GRIN3A: variants seen among roughly 807,000 people sequenced by gnomAD.
GRIN3A encodes glutamate receptor ionotropic, NMDA 3A.
Under a neutral mutation model 92.4 loss-of-function variants are expected in GRIN3A, and 47 were observed. The observed-to-expected ratio is 0.51, with a 90% CI of 0.40 to 0.65. The LOEUF is 0.65. Ranked by LOEUF, GRIN3A falls within the 30% of genes least tolerant of loss-of-function variation. The pLI is 0.00. For missense variants in GRIN3A, 1,324 were observed against 1,393.1 expected (o/e 0.95, Z 0.79); for synonymous variants, 527 against 540.6 (o/e 0.97, Z 0.35).
At chr9:101,641,471 TC>T (rs1438788686) in intron 3 of GRIN3A, among the ~76,000 whole-genome samples, 1 of 152,202 alleles carries the variant, frequency 6.6e-6, no homozygotes, top group Non-Finnish European at 1.5e-5. Context: ...TGAGTTCATG[TC>T]CTTTGTAGGG....
intron 3 of GRIN3A, among the ~76,000 whole-genome samples, chr9:101,632,865 A>G (rs909559111): frequency 3.3e-5 from 5 of 152,212 alleles, no homozygotes; most frequent in Admixed American, 1.3e-4. Flanking sequence ...GAGCTGCATT[A>G]CAACCATCAC....
intron 3 of GRIN3A, among the ~76,000 whole-genome samples, chr9:101,660,909 C>T (rs1329337062): frequency 7.2e-5 from 11 of 151,734 alleles, no homozygotes; most frequent in Non-Finnish European, 1.6e-4. Context: ...ATTCATTAGT[C>T]GAACAACATT....
intron 3 of GRIN3A, among the ~76,000 whole-genome samples, chr9:101,644,105 C>T (rs1360885600): frequency 2.6e-5 from 4 of 151,732 alleles, no homozygotes; most frequent in Admixed American, 6.6e-5. Context: ...ACAATGTACA[C>T]ATATATAAAA....
At chr9:101,683,299 C>G (rs559085088) in intron 2 of GRIN3A, among the ~76,000 whole-genome samples, 2 of 152,142 alleles carry the variant, frequency 1.3e-5, no homozygotes, top group Non-Finnish European at 2.9e-5. Context: ...TGAAAACTTG[C>G]GTAACTCTGA....
intron 3 of GRIN3A, among the ~76,000 whole-genome samples, chr9:101,631,673 C>T (rs191639385): frequency 5.3e-4 from 81 of 152,252 alleles, no homozygotes; most frequent in African/African-American, 1.8e-3. Context: ...TGCTCATCAG[C>T]TCCCATATCT....
chr9:101,618,510 C>T (rs937979625), intron 5 of GRIN3A, among the ~76,000 whole-genome samples: 1 of 152,090 alleles, frequency 6.6e-6, no homozygotes, highest in African/African-American at 2.4e-5. Flanking sequence ...CCATCTCACA[C>T]CAGTTAGAAT....
Position 101,637,622 on chromosome 9 carries a change from C to T in GRIN3A, c.2353-9221G>A, listed in dbSNP as rs374867150. 6.6e-5 allele frequency among the ~76,000 whole-genome samples: 10 copies of T among 152,280 alleles called. No homozygotes were observed. In the South Asian group the frequency reaches 1.7e-3, roughly 25 times the overall value. On this transcript the variant is annotated intron_variant, in intron 3 of 8. Coordinates refer to ENST00000361820, the MANE Select transcript of GRIN3A (RefSeq NM_133445.3). ...TTCAAGCATTTTGCTAACACCTTAA[C>T]GTGAATTATATGATTTAAACCTCTA...
At position 101,686,684 on chromosome 9, in the gene GRIN3A, T is replaced by G; in HGVS notation, c.1216A>C (p.Ile406Leu). The change falls in exon 2 of 9, where the codon ATC becomes CTC. Residue 406 changes from isoleucine (I) to leucine (L), a missense_variant. Physicochemically the swap from Ile to Leu is conservative, Grantham distance 5. Coordinates refer to ENST00000361820, the MANE Select transcript of GRIN3A (RefSeq NM_133445.3). ...VARAVATATM[I>L]QPELALIPST... Reference sequence around the variant, plus strand: ...GGAATGAGAGCAAGTTCTGGTTGGATCATGGTGGCTGTGGCTACAGCTCTT... The same window carrying G: ...GGAATGAGAGCAAGTTCTGGTTGGAGCATGGTGGCTGTGGCTACAGCTCTT... 1 of 1,614,178 alleles carries G rather than the reference T, an allele frequency of 6.2e-7. No homozygotes were observed.
chr9:101,733,872 A>C (rs931354906), intron 1 of GRIN3A, among the ~76,000 whole-genome samples: 2 of 152,080 alleles, frequency 1.3e-5, no homozygotes, highest in Non-Finnish European at 2.9e-5. Flanking sequence ...TTAATTAAAA[A>C]ATTTTTTTAA....
At chr9:101,684,206 G>A (rs1249432661) in intron 2 of GRIN3A, among the ~76,000 whole-genome samples, 1 of 149,780 alleles carries the variant, frequency 6.7e-6, no homozygotes, top group Non-Finnish European at 1.5e-5. Flanking sequence ...AGGTTCAAGC[G>A]ATTCTCCTGC....
rs568276716 is a variant in GRIN3A at position 101,636,385 on chromosome 9, A to G, written c.2353-7984T>C. On this transcript the variant is annotated intron_variant, in intron 3 of 8. Transcript: ENST00000361820. ...ATTCCAGGCACTGTGCCAGGATCTT[A>G]AATTCATTGCTTTGTTGAATGCTCA... 7.9e-5 allele frequency among the ~76,000 whole-genome samples: 12 copies of G among 152,298 alleles called. No homozygotes were observed. The South Asian group carries it at 2.5e-3, about 32-fold the overall frequency.
chr9:101,597,269 T>C (rs541726675), intron 6 of GRIN3A, among the ~76,000 whole-genome samples: 1 of 152,232 alleles, frequency 6.6e-6, no homozygotes, highest in African/African-American at 2.4e-5. Flanking sequence ...ACATGGCTTA[T>C]AACATATGGG....
chr9:101,597,722 A>G (rs1471335713), intron 6 of GRIN3A, among the ~76,000 whole-genome samples: 1 of 152,238 alleles, frequency 6.6e-6, no homozygotes, highest in African/African-American at 2.4e-5. Flanking sequence ...CAGATAATTG[A>G]AGAGAAAGTA....
chr9:101,654,070 T>TG (rs1472882570), intron 3 of GRIN3A, among the ~76,000 whole-genome samples: 30 of 151,954 alleles, frequency 2.0e-4, no homozygotes, highest in African/African-American at 7.0e-4. Flanking sequence ...TGAATCCTCT[T>TG]GGTCTCTTTT....
At chr9:101,591,279 T>A (rs1828020668) in intron 6 of GRIN3A, among the ~76,000 whole-genome samples, 1 of 152,236 alleles carries the variant, frequency 6.6e-6, no homozygotes, top group Admixed American at 6.5e-5. Flanking sequence ...TGACAAGCAA[T>A]TTACCTCTTT....
At chr9:101,680,558 A>C (rs1202164504) in intron 2 of GRIN3A, among the ~76,000 whole-genome samples, 2 of 152,186 alleles carry the variant, frequency 1.3e-5, no homozygotes, top group African/African-American at 4.8e-5. Flanking sequence ...GAGGCCTAGA[A>C]ATGCTAGCAC....
At chr9:101,581,859 G>C (rs940937069) in intron 6 of GRIN3A, among the ~76,000 whole-genome samples, 1 of 152,280 alleles carries the variant, frequency 6.6e-6, no homozygotes, top group Admixed American at 6.5e-5. Flanking sequence ...TAATTATTTA[G>C]CATTGAATAT....
intron 3 of GRIN3A, among the ~76,000 whole-genome samples, chr9:101,651,822 A>T (rs73660021): frequency 6.6e-6 from 1 of 152,012 alleles, no homozygotes; most frequent in African/African-American, 2.4e-5. Context: ...TATTTTAAAG[A>T]TATATATCAA....
chr9:101,593,971 T>C (rs1284991849), intron 6 of GRIN3A: 1 of 157,298 alleles, frequency 6.4e-6, no homozygotes, highest in African/African-American at 2.4e-5. Context: ...AATAGGAAGT[T>C]AACAATCTGG....
Sources: allele counts gnomAD v4.1 joint callset (sites outside exome capture counted in the v4.1 genomes callset), GRCh38; gene constraint gnomAD v4.1.1; transcripts MANE v1.5; gene names NCBI Gene and HGNC (gene_info 2026-07-23, HGNC 2026-07-21).